VPS13B: variants seen among roughly 807,000 people sequenced by gnomAD.
VPS13B encodes intermembrane lipid transfer protein VPS13B.
In VPS13B, 285 loss-of-function variants were observed where a neutral mutation model predicts 426.4. The ratio of observed to expected loss-of-function variants is 0.67; its 90% CI spans 0.61 to 0.74. The LOEUF is 0.74. Ranked by LOEUF, VPS13B falls within the 30% of genes least tolerant of loss-of-function variation. The pLI is 0.00. For synonymous variants in VPS13B, 1,676 were observed against 1,676.4 expected, an observed-to-expected ratio of 1.00 and a Z score of 0.01; for missense variants, 4,537 against 4,782.6, an observed-to-expected ratio of 0.95 and a Z score of 1.51.
At chr8:99,540,058 TATA>T (rs1563785124) in intron 30 of VPS13B, among the ~76,000 whole-genome samples, 29 of 5,702 alleles carry the variant, frequency 5.1e-3, no homozygotes, top group Non-Finnish European at 8.0e-3. Flanking sequence ...TATATATATA[TATA>T]TATTTTTTTT....
intron 30 of VPS13B, among the ~76,000 whole-genome samples, chr8:99,530,041 G>A (rs1348266988): frequency 6.6e-6 from 1 of 152,098 alleles, no homozygotes; most frequent in Non-Finnish European, 1.5e-5. Context: ...TGAAATAACA[G>A]CTAACTTCCA....
chr8:99,672,597 A>G (rs1752678111), intron 35 of VPS13B, among the ~76,000 whole-genome samples: 1 of 152,112 alleles, frequency 6.6e-6, no homozygotes, highest in Admixed American at 6.5e-5. Flanking sequence ...TGTGGAGACA[A>G]TTTAAATTCA....
At chr8:99,182,841 A>T (rs770100833) in intron 16 of VPS13B, among the ~76,000 whole-genome samples, 1 of 152,196 alleles carries the variant, frequency 6.6e-6, no homozygotes. Flanking sequence ...GGTTCAAGAG[A>T]TTCCCGGGCC....
chr8:99,645,011 A>G lies in VPS13B; in HGVS notation c.5908+2513A>G, dbSNP rs577267007. 5.3e-5 allele frequency among the ~76,000 whole-genome samples: 8 copies of G among 152,322 alleles called. No homozygotes were observed. In the South Asian group the frequency reaches 8.3e-4, roughly 16 times the overall value. Reference sequence around the variant, plus strand: ...CTTCCCCAAGGTCACAGACCTAGCAATAAACAGAGCTACAATTCAAAGCTA... The same window carrying G: ...CTTCCCCAAGGTCACAGACCTAGCAGTAAACAGAGCTACAATTCAAAGCTA... On this transcript the variant is annotated intron_variant, in intron 34 of 61. Coordinates refer to ENST00000357162, the MANE Select transcript of VPS13B (RefSeq NM_152564.5).
intron 23 of VPS13B, among the ~76,000 whole-genome samples, chr8:99,462,726 G>A (rs1243795866): frequency 6.6e-6 from 1 of 152,064 alleles, no homozygotes; most frequent in Non-Finnish European, 1.5e-5. Flanking sequence ...TTATGAGGTG[G>A]GGCATTTAGG....
chr8:99,127,104 GA>G lies in VPS13B; in HGVS notation c.1206+5671del, dbSNP rs574092055. On this transcript the variant is annotated intron_variant, in intron 8 of 61. Coordinates refer to ENST00000357162, the MANE Select transcript of VPS13B (RefSeq NM_152564.5). ...GAGCGAGACCTTGTCTCAAAAAAAA[GA>G]AAAAAAAAAAAGAAAGAAAAGAAAA... Among the ~76,000 whole-genome samples, 174 of 135,736 alleles carry G rather than the reference GA, an allele frequency of 1.3e-3. 1 individual carries two copies. The highest frequency in any genetic ancestry group is 2.2e-3 in the African/African-American group (80 of 37,088). 89.0% of individuals were successfully genotyped at this position (135,736 alleles called of 152,430 possible).
intron 19 of VPS13B, among the ~76,000 whole-genome samples, chr8:99,300,038 G>A (rs1258698915): frequency 6.6e-6 from 1 of 152,148 alleles, no homozygotes; most frequent in Non-Finnish European, 1.5e-5. Context: ...CAAAAGTTCT[G>A]TTTACAAGAT....
At chr8:99,041,377 A>C (rs985788565) in intron 3 of VPS13B, among the ~76,000 whole-genome samples, 1 of 152,210 alleles carries the variant, frequency 6.6e-6, no homozygotes, top group African/African-American at 2.4e-5. Flanking sequence ...TGCTAATCTA[A>C]TAAATACTTG....
chr8:99,056,232 G>T (rs915642901), intron 3 of VPS13B, among the ~76,000 whole-genome samples: 2 of 151,562 alleles, frequency 1.3e-5, no homozygotes. Flanking sequence ...AATTTTTTTT[G>T]TGTGTTTTTG....
At chr8:99,718,464 C>T (rs1383157502) in intron 37 of VPS13B, among the ~76,000 whole-genome samples, 1 of 152,160 alleles carries the variant, frequency 6.6e-6, no homozygotes, top group Non-Finnish European at 1.5e-5. Flanking sequence ...TTTGTCTTAA[C>T]AGCCAAATAT....
chr8:99,647,391 G>T, intron 34 of VPS13B, among the ~76,000 whole-genome samples: 1 of 151,480 alleles, frequency 6.6e-6, no homozygotes, highest in Admixed American at 6.6e-5. Flanking sequence ...GTTAAACCCC[G>T]TCTCTACAAA....
intron 19 of VPS13B, among the ~76,000 whole-genome samples, chr8:99,329,108 A>C (rs1411529902): frequency 2.0e-5 from 3 of 152,146 alleles, no homozygotes; most frequent in Non-Finnish European, 4.4e-5. Context: ...GATGATTTCT[A>C]AGATTCCTTC....
chr8:99,350,474 TTA>T (rs1811822513), intron 19 of VPS13B, among the ~76,000 whole-genome samples: 1 of 152,168 alleles, frequency 6.6e-6, no homozygotes, highest in South Asian at 2.1e-4. Flanking sequence ...GTAGCAGTTC[TTA>T]TGAGAGAGAA....
intron 2 of VPS13B, among the ~76,000 whole-genome samples, chr8:99,027,075 C>G (rs2132171063): frequency 6.6e-6 from 1 of 152,200 alleles, no homozygotes; most frequent in African/African-American, 2.4e-5. Flanking sequence ...GGGGTTTCAC[C>G]ACGTTGGCCA....
intron 11 of VPS13B, 128 bp downstream of exon 11, chr8:99,135,861 T>C: frequency 7.8e-7 from 1 of 1,281,352 alleles, no homozygotes; most frequent in Non-Finnish European, 1.1e-6. Context: ...TTAAAACATT[T>C]AGAATGCATT....
chr8:99,409,037 A>T (rs1364625441), intron 21 of VPS13B, among the ~76,000 whole-genome samples: 1 of 152,184 alleles, frequency 6.6e-6, no homozygotes, highest in Non-Finnish European at 1.5e-5. Flanking sequence ...AGTTCTAGGA[A>T]AGTCCATTAC....
chr8:99,238,960 G>A (rs1246490855), intron 17 of VPS13B, among the ~76,000 whole-genome samples: 3 of 151,984 alleles, frequency 2.0e-5, no homozygotes, highest in Non-Finnish European at 4.4e-5. Context: ...TATTTATTTG[G>A]CTTACCTGAA....
intron 3 of VPS13B, among the ~76,000 whole-genome samples, chr8:99,047,757 G>A (rs1322005631): frequency 2.0e-5 from 3 of 152,052 alleles, no homozygotes; most frequent in Non-Finnish European, 4.4e-5. Flanking sequence ...GTGCGATCTT[G>A]GCTCACTGCA....
chr8:99,757,486 G>A (rs1810699459), intron 39 of VPS13B, among the ~76,000 whole-genome samples: 2 of 152,128 alleles, frequency 1.3e-5, no homozygotes, highest in East Asian at 3.9e-4. Context: ...TGCTTAGTTG[G>A]ACTGAGTGGA....
Sources: allele counts gnomAD v4.1 joint callset (sites outside exome capture counted in the v4.1 genomes callset), GRCh38; gene constraint gnomAD v4.1.1; transcripts MANE v1.5; gene names NCBI Gene and HGNC (gene_info 2026-07-23, HGNC 2026-07-21).